Variants in KHDRBS2 observed in about 807,000 individuals in gnomAD.
KHDRBS2 encodes KH domain-containing, RNA-binding, signal transduction-associated protein 2.
KHDRBS2 carries 26 observed loss-of-function variants against 44.3 expected under a neutral mutation model. The ratio of observed to expected loss-of-function variants is 0.59; its 90% CI spans 0.43 to 0.81. KHDRBS2 has a LOEUF of 0.81. Among genes scored for constraint, KHDRBS2 ranks in the 40% least tolerant of loss-of-function variants. The pLI is 0.00. For missense variants in KHDRBS2, 476 were observed against 433.1 expected (o/e 1.10, Z -0.88); for synonymous variants, 194 against 151.1 (o/e 1.28, Z -2.08).
intron 6 of KHDRBS2, among the ~76,000 whole-genome samples, chr6:61,733,240 TTAAA>T (rs899856933): frequency 2.0e-5 from 3 of 151,828 alleles, no homozygotes; most frequent in East Asian, 1.9e-4. Context: ...TCATTACTGA[TTAAA>T]TAAATAAATA....
chr6:62,204,460 G>A (rs1284607690), intron 1 of KHDRBS2, among the ~76,000 whole-genome samples: 2 of 152,004 alleles, frequency 1.3e-5, no homozygotes, highest in Admixed American at 1.3e-4. Flanking sequence ...GGACTTTTTC[G>A]GTTTAGAAAT....
chr6:62,061,523 G>C (rs1413737524), intron 2 of KHDRBS2, among the ~76,000 whole-genome samples: 1 of 148,362 alleles, frequency 6.7e-6, no homozygotes, highest in East Asian at 2.0e-4. Context: ...CTGGCTTGTA[G>C]GGTTTCTGCC....
At chr6:62,165,653 G>C (rs550069379) in intron 2 of KHDRBS2, among the ~76,000 whole-genome samples, 5 of 151,640 alleles carry the variant, frequency 3.3e-5, no homozygotes, top group African/African-American at 1.2e-4. Context: ...TCTTATTATT[G>C]TAAAATAGAC....
the KHDRBS2 span, among the ~76,000 whole-genome samples, chr6:61,607,959 A>G: frequency 6.6e-6 from 1 of 152,212 alleles, no homozygotes; most frequent in African/African-American, 2.4e-5. Flanking sequence ...AAGTGCTGGG[A>G]TTACAGGTGT....
At chr6:62,090,920 A>G (rs1343661386) in intron 2 of KHDRBS2, among the ~76,000 whole-genome samples, 1 of 152,204 alleles carries the variant, frequency 6.6e-6, no homozygotes, top group Non-Finnish European at 1.5e-5. Flanking sequence ...AAGCAGCTTA[A>G]GTACCACTCA....
At chr6:61,572,558 G>A in the KHDRBS2 span, among the ~76,000 whole-genome samples, 2 of 152,016 alleles carry the variant, frequency 1.3e-5, no homozygotes, top group Non-Finnish European at 1.5e-5. Context: ...GAATACAGAT[G>A]CAAAAATCCT....
chr6:62,034,886 T>G (rs1445839869), intron 3 of KHDRBS2, among the ~76,000 whole-genome samples: 1 of 151,788 alleles, frequency 6.6e-6, no homozygotes, highest in Non-Finnish European at 1.5e-5. Context: ...TATGAAAAGG[T>G]GTCCACATCA....
At chr6:61,972,772 G>T (rs921366929) in intron 4 of KHDRBS2, among the ~76,000 whole-genome samples, 1 of 152,128 alleles carries the variant, frequency 6.6e-6, no homozygotes, top group Non-Finnish European at 1.5e-5. Context: ...CACCTTTTAG[G>T]TCTTGCCATT....
At chr6:61,557,757 G>A in the KHDRBS2 span, among the ~76,000 whole-genome samples, 4 of 152,106 alleles carry the variant, frequency 2.6e-5, no homozygotes, top group African/African-American at 9.7e-5. Context: ...CAGCAGTGAA[G>A]CTATTGGGTC....
At chr6:62,107,426 G>A (rs1218562270) in intron 2 of KHDRBS2, among the ~76,000 whole-genome samples, 1 of 152,104 alleles carries the variant, frequency 6.6e-6, no homozygotes, top group Non-Finnish European at 1.5e-5. Context: ...ACAAACCACT[G>A]CTCAGTGAAA....
At chr6:61,684,966 T>C (rs1582149247) in intron 8 of KHDRBS2, among the ~76,000 whole-genome samples, 1 of 151,574 alleles carries the variant, frequency 6.6e-6, no homozygotes, top group Non-Finnish European at 1.5e-5. Context: ...TTATTGAAGA[T>C]CTCCTATATG....
intron 4 of KHDRBS2, among the ~76,000 whole-genome samples, chr6:61,938,080 G>T (rs531235180): frequency 6.6e-6 from 1 of 152,120 alleles, no homozygotes; most frequent in East Asian, 1.9e-4. Context: ...ATCATTTATT[G>T]TCTACCTTTT....
In KHDRBS2 at chr6:61,990,850, C is replaced by G. The variant is rs555526689; in HGVS notation, c.337-12638G>C. On this transcript the variant is annotated intron_variant, in intron 3 of 8. Transcript: ENST00000281156. ...TCAACCTCCTGGGTAGCTGGGACTA[C>G]AGGCACGCACCACCATGCCCAGTTA... Among the ~76,000 whole-genome samples, 5 of 152,194 alleles carry G rather than the reference C, an allele frequency of 3.3e-5. No homozygotes were observed. The South Asian group carries it at 8.3e-4, about 25-fold the overall frequency.
At chr6:61,594,746 C>T in the KHDRBS2 span, among the ~76,000 whole-genome samples, 4 of 152,166 alleles carry the variant, frequency 2.6e-5, no homozygotes, top group Admixed American at 2.0e-4. Flanking sequence ...TTTACTATCT[C>T]TTTTTCAGAT....
At chr6:62,048,794 C>G (rs543026889) in intron 2 of KHDRBS2, among the ~76,000 whole-genome samples, 58 of 151,838 alleles carry the variant, frequency 3.8e-4, no homozygotes, top group African/African-American at 1.1e-3. Context: ...AACCAAATGA[C>G]CGAGGTAATA....
In KHDRBS2 at chr6:61,930,696, CA is replaced by C. The variant is rs999097359; in HGVS notation, c.484-29326del. Among the ~76,000 whole-genome samples the C allele has an allele frequency of 1.0e-3, 146 of 145,924 alleles. 1 individual carries two copies. The highest frequency in any genetic ancestry group is 3.5e-3 in the African/African-American group (138 of 39,456). On this transcript the variant is annotated intron_variant, in intron 4 of 8. Coordinates refer to ENST00000281156, the MANE Select transcript of KHDRBS2 (RefSeq NM_152688.4). ...TGGGCGACAGAGTGAGACCCCGTCTCAAAAAAAAAGAAAAAGAAAGAAAGAC... is the reference window on the plus strand; with the variant it reads ...TGGGCGACAGAGTGAGACCCCGTCTCAAAAAAAAGAAAAAGAAAGAAAGAC...
the KHDRBS2 span, among the ~76,000 whole-genome samples, chr6:61,580,060 A>G: frequency 6.6e-6 from 1 of 152,320 alleles, no homozygotes; most frequent in African/African-American, 2.4e-5. Context: ...TCCATCTCAA[A>G]GAAAATGAGA....
At chr6:62,161,206 A>G (rs7772333) in intron 2 of KHDRBS2, among the ~76,000 whole-genome samples, 1,780 of 152,114 alleles carry the variant, frequency 0.012, 42 homozygotes, top group African/African-American at 0.04. Flanking sequence ...TAAATAGCAT[A>G]TATTTGAATC....
intron 7 of KHDRBS2, among the ~76,000 whole-genome samples, chr6:61,716,555 A>AT (rs773478528): frequency 1.1e-4 from 17 of 152,004 alleles, no homozygotes; most frequent in East Asian, 3.9e-4. Context: ...ACTGACCTTC[A>AT]TTTTTTTAAA....
Sources: gnomAD v4.1 joint callset for allele counts (sites outside exome capture counted in the v4.1 genomes callset) on GRCh38, gnomAD v4.1.1 for gene constraint, MANE v1.5 for transcripts, NCBI Gene and HGNC (gene_info 2026-07-23, HGNC 2026-07-21) for gene names.